Variants in PARN observed in about 807,000 individuals in gnomAD.
The protein encoded by PARN is poly(A)-specific ribonuclease.
A neutral mutation model predicts 102.8 loss-of-function variants in PARN; 71 were observed. The observed-to-expected ratio is 0.69, with a 90% CI of 0.57 to 0.84. The LOEUF (loss-of-function observed/expected upper bound fraction) is 0.84, where lower values mean the gene tolerates loss of function less well. Among genes scored for constraint, PARN ranks in the 40% least tolerant of loss-of-function variants. The pLI, the probability that PARN is intolerant of heterozygous loss-of-function variation, is 0.00. For missense variants in PARN, 782 were observed against 760.9 expected (o/e 1.03, Z -0.33); for synonymous variants, 261 against 252.9 (o/e 1.03, Z -0.30).
intron 18 of PARN, among the ~76,000 whole-genome samples, chr16:14,571,630 T>C (rs1968819713): frequency 6.6e-6 from 1 of 152,088 alleles, no homozygotes; most frequent in Admixed American, 6.5e-5. Flanking sequence ...GTCCCCCACA[T>C]CTAGTCAGAG....
intron 11 of PARN, among the ~76,000 whole-genome samples, 198 bp from the exon 12 acceptor site, chr16:14,600,158 T>C (rs1970790180): frequency 6.6e-6 from 1 of 152,228 alleles, no homozygotes; most frequent in Admixed American, 6.5e-5. Context: ...TTTTAGAAAG[T>C]AGAATGAACA....
chr16:14,623,893 T>C (rs181730220), intron 5 of PARN, among the ~76,000 whole-genome samples: 1 of 152,106 alleles, frequency 6.6e-6, no homozygotes, highest in East Asian at 1.9e-4. Context: ...CAGTTATGCT[T>C]CAATTTTTCA....
At chr16:14,608,157 C>T in intron 9 of PARN, 124 bp downstream of exon 9, 1 of 707,518 alleles carries the variant, frequency 1.4e-6, no homozygotes. Flanking sequence ...GTAGGGGGAA[C>T]TTCATGTAGT....
At chr16:14,438,511 A>G (rs978454844) in intron 23 of PARN, among the ~76,000 whole-genome samples, 3 of 151,758 alleles carry the variant, frequency 2.0e-5, no homozygotes, top group Admixed American at 2.0e-4. Flanking sequence ...AAGAGCTAAC[A>G]GGAAATAATG....
chr16:14,536,190 CAA>C (rs1966599729), intron 21 of PARN, among the ~76,000 whole-genome samples: 1 of 152,094 alleles, frequency 6.6e-6, no homozygotes, highest in Admixed American at 6.5e-5. Flanking sequence ...ATTTATATAA[CAA>C]AGTCCTCCAA....
At chr16:14,436,846 C>A in intron 23 of PARN, 74 bp from the exon 24 acceptor site, 2 of 1,090,160 alleles carry the variant, frequency 1.8e-6, no homozygotes, top group Non-Finnish European at 2.7e-6. Context: ...ACATGACCAG[C>A]AGACAGACAG....
chr16:14,599,974 T>C lies in PARN; in HGVS notation c.784-14A>G. ...ATTCAGCTCCTCCTAATTAAAAAAA[T>C]ATATACATATGTATTATTGATGTAT... On this transcript the variant is annotated splice_polypyrimidine_tract_variant and intron_variant, in intron 11 of 23. Coordinates refer to ENST00000437198, the MANE Select transcript of PARN (RefSeq NM_002582.4). 1.4e-6 allele frequency: 2 copies of C among 1,453,082 alleles called. No individual in the cohort carries two copies. The highest frequency in any genetic ancestry group is 1.2e-5 in the South Asian group (1 of 83,572). The allele number at this position is 1,453,082 out of a possible 1,614,324, so 90.0% of individuals were successfully genotyped here. A position where few individuals can be genotyped will look rare whatever the true frequency, so the allele number is the denominator to read the frequency against.
chr16:14,532,956 A>G (rs1276592397), intron 21 of PARN, among the ~76,000 whole-genome samples: 3 of 152,092 alleles, frequency 2.0e-5, no homozygotes, highest in African/African-American at 7.2e-5. Context: ...CTCACGTCCC[A>G]GACGATGGGC....
chr16:14,571,020 T>A (rs970460143), intron 18 of PARN, among the ~76,000 whole-genome samples: 1 of 151,632 alleles, frequency 6.6e-6, no homozygotes, highest in Non-Finnish European at 1.5e-5. Flanking sequence ...AAGTTAAAAT[T>A]TAAAAAAGGA....
chr16:14,515,590 G>A (rs1965418309), intron 21 of PARN, among the ~76,000 whole-genome samples: 1 of 152,080 alleles, frequency 6.6e-6, no homozygotes, highest in African/African-American at 2.4e-5. Flanking sequence ...GAGATGAAAA[G>A]CTGTACCTAA....
intron 22 of PARN, among the ~76,000 whole-genome samples, chr16:14,453,772 T>A (rs1961566167): frequency 6.6e-6 from 1 of 152,236 alleles, no homozygotes; most frequent in Non-Finnish European, 1.5e-5. Context: ...TATTAGTACT[T>A]TATTTCATAG....
At chr16:14,537,088 A>G (rs1254614438) in intron 21 of PARN, among the ~76,000 whole-genome samples, 2 of 152,212 alleles carry the variant, frequency 1.3e-5, no homozygotes, top group East Asian at 1.9e-4. Context: ...AGACAATTCA[A>G]TGGCAAAGAA....
intron 21 of PARN, among the ~76,000 whole-genome samples, chr16:14,544,581 A>G (rs1361695708): frequency 1.3e-5 from 2 of 152,224 alleles, no homozygotes; most frequent in Admixed American, 6.5e-5. Flanking sequence ...TATCAAAAAG[A>G]AAAATAATAA....
intron 21 of PARN, among the ~76,000 whole-genome samples, chr16:14,539,685 A>G (rs994110893): frequency 6.6e-6 from 1 of 152,240 alleles, no homozygotes; most frequent in African/African-American, 2.4e-5. Flanking sequence ...CATACAAAAC[A>G]TACATTCACA....
rs1226116053 is a variant in PARN, at chr16:14,578,202, G to C, written c.1262+2672C>G. On this transcript the variant is annotated intron_variant, in intron 18 of 23. Transcript: ENST00000437198. ...AAATTAGCAGGGCGTGGTGGTACGA[G>C]CCTGTAGTCCCAGCTACTCAGGAGG... Among the ~76,000 whole-genome samples, 3 of 150,112 alleles carry C rather than the reference G, an allele frequency of 2.0e-5. No homozygotes were observed. In the East Asian group the frequency reaches 6.1e-4, roughly 30 times the overall value.
At chr16:14,493,508 G>A (rs1964158799) in intron 21 of PARN, among the ~76,000 whole-genome samples, 1 of 152,214 alleles carries the variant, frequency 6.6e-6, no homozygotes, top group Non-Finnish European at 1.5e-5. Flanking sequence ...GAACCACTGT[G>A]CCCAGCCATC....
intron 13 of PARN, among the ~76,000 whole-genome samples, chr16:14,589,871 A>T (rs1167334726): frequency 6.6e-6 from 1 of 151,744 alleles, no homozygotes; most frequent in Non-Finnish European, 1.5e-5. Context: ...CATCTCAAAA[A>T]AAAAGGTGCG....
At chr16:14,478,046 G>A (rs1184743363) in intron 22 of PARN, among the ~76,000 whole-genome samples, 1 of 152,174 alleles carries the variant, frequency 6.6e-6, no homozygotes, top group Non-Finnish European at 1.5e-5. Flanking sequence ...AGGATGGCCA[G>A]GTGCACAGCT....
chr16:14,590,111 C>T (rs1300034801), intron 13 of PARN, among the ~76,000 whole-genome samples: 2 of 150,626 alleles, frequency 1.3e-5, no homozygotes, highest in Admixed American at 6.6e-5. Flanking sequence ...ATTAGCTGGG[C>T]ATGGTGGCGG....
Sources: gnomAD v4.1 joint callset for allele counts (sites outside exome capture counted in the v4.1 genomes callset) on GRCh38, gnomAD v4.1.1 for gene constraint, MANE v1.5 for transcripts, NCBI Gene and HGNC (gene_info 2026-07-23, HGNC 2026-07-21) for gene names.